The following LRP2 variants were observed in gnomAD, a reference collection of about 807,000 sequenced individuals.
The protein encoded by LRP2 is LDL receptor related protein 2, also known as low-density lipoprotein receptor-related protein 2.
Under a neutral mutation model 531.0 loss-of-function variants are expected in LRP2, and 172 were observed. The observed-to-expected ratio is 0.32, with a 90% CI of 0.29 to 0.37. The LOEUF (loss-of-function observed/expected upper bound fraction) is 0.37. Among genes scored for constraint, LRP2 ranks in the 10% least tolerant of loss-of-function variants. The pLI is 1.00. For synonymous variants in LRP2, 1,992 were observed against 2,027.6 expected (o/e 0.98, Z 0.47); for missense variants, 5,167 against 5,868.3 (o/e 0.88, Z 3.90).
chr2:169,352,245 C>T (rs1468316834), intron 1 of LRP2, among the ~76,000 whole-genome samples: 1 of 152,096 alleles, frequency 6.6e-6, no homozygotes, highest in Non-Finnish European at 1.5e-5. Flanking sequence ...AAGAACAAAA[C>T]ATACAATTAA....
At chr2:169,152,005 C>A (rs2105355401) in intron 67 of LRP2, among the ~76,000 whole-genome samples, 1 of 152,282 alleles carries the variant, frequency 6.6e-6, no homozygotes, top group East Asian at 1.9e-4. Flanking sequence ...GTCTCCTGAA[C>A]CTTCCCCCTC....
chr2:169,354,734 G>C lies in LRP2; in HGVS notation c.79+7587C>G, dbSNP rs186396299. On this transcript the variant is annotated intron_variant, in intron 1 of 78. Transcript: ENST00000649046. ...CCAACAAAGTAACCATCAGCAAAGA[G>C]TACATATATCTGGCATTTCTGAATT... Among the ~76,000 whole-genome samples, 3 of 152,326 alleles carry C rather than the reference G, an allele frequency of 2.0e-5. No homozygotes were observed. The East Asian group carries it at 5.8e-4, about 29-fold the overall frequency.
intron 1 of LRP2, among the ~76,000 whole-genome samples, chr2:169,334,685 C>G (rs551682277): frequency 6.6e-6 from 1 of 152,324 alleles, no homozygotes; most frequent in Admixed American, 6.5e-5. Flanking sequence ...AGGGCAGGAA[C>G]TGTTTGTGTC....
intron 47 of LRP2, among the ~76,000 whole-genome samples, chr2:169,193,237 G>A (rs1391919687): frequency 1.3e-5 from 2 of 151,814 alleles, no homozygotes; most frequent in Non-Finnish European, 2.9e-5. Flanking sequence ...GATTAGCCTA[G>A]CCAATATAGT....
At chr2:169,313,576 C>T (rs963598302) in intron 3 of LRP2, among the ~76,000 whole-genome samples, 5 of 152,152 alleles carry the variant, frequency 3.3e-5, no homozygotes, top group Non-Finnish European at 5.9e-5. Flanking sequence ...CTGGAAGCTT[C>T]GTCTCAGAGG....
At position 169,232,113 on chromosome 2, in the gene LRP2, C is replaced by T. The variant is rs3926693; in HGVS notation, c.5099-271G>A. Among the ~76,000 whole-genome samples the T allele has an allele frequency of 0.35, 53,658 of 151,656 alleles. 9,789 individuals carry two copies. Among genetic ancestry groups the T allele is most frequent in the South Asian group, 0.6 (2,888 of 4,804 alleles). Reference sequence around the variant, plus strand: ...ATCAATCCAGTCTATAACTGGATTACGAACAAACAGCCACTGAGTAATCTG... The same window carrying T: ...ATCAATCCAGTCTATAACTGGATTATGAACAAACAGCCACTGAGTAATCTG... On this transcript the variant is annotated intron_variant, in intron 30 of 78. Transcript: ENST00000649046.
At chr2:169,255,811 A>G (rs1380601594) in intron 19 of LRP2, among the ~76,000 whole-genome samples, 1 of 152,172 alleles carries the variant, frequency 6.6e-6, no homozygotes, top group Non-Finnish European at 1.5e-5. Context: ...TGATACTTGT[A>G]TAACTAAGTA....
rs750159019 is a variant in LRP2 at position 169,152,915 on chromosome 2, G to T, written c.12345C>A (p.Ile4115=). The T allele has an allele frequency of 6.2e-7, 1 of 1,613,938 alleles. No homozygotes were observed. The highest frequency in any genetic ancestry group is 8.5e-7 in the Non-Finnish European group (1 of 1,179,956). ...VRGEGSRFGA[I]KRAYIPNFES... Reference sequence around the variant, plus strand: ...CAAAGTTGGGGATGTAGGCACGTTTGATAGCACCAAACCTAGAGCCCTCCC... The same window carrying T: ...CAAAGTTGGGGATGTAGGCACGTTTTATAGCACCAAACCTAGAGCCCTCCC... Residue 4115 remains isoleucine, a synonymous_variant, in exon 67 of 79, where the codon ATC becomes ATA. Transcript: ENST00000649046.
chr2:169,241,257 C>A lies in LRP2; in HGVS notation c.3776G>T (p.Gly1259Val). Residue 1259 changes from glycine (G) to valine (V), a missense_variant, in exon 25 of 79, where the codon GGA becomes GTA. This residue lies in a region of LRP2 where 2,811 missense variants were observed against 3,058.0 expected (regional missense o/e 0.92). Coordinates refer to ENST00000649046, the MANE Select transcript of LRP2 (RefSeq NM_004525.3). The part of the protein sequence containing the change: ...ECDGHPDCLY[G>V]SDEHNACVPK... ...GACACAGGCATTGTGCTCATCAGAT[C>A]CATAGAGGCAGTCTGGATGCCCATC... 1 of 1,614,178 alleles carries A rather than the reference C, an allele frequency of 6.2e-7. No individual in the cohort carries two copies. Among genetic ancestry groups the A allele is most frequent in the Non-Finnish European group, 8.5e-7 (1 of 1,180,042 alleles).
intron 1 of LRP2, among the ~76,000 whole-genome samples, chr2:169,331,423 G>A (rs1685264626): frequency 6.6e-6 from 1 of 152,198 alleles, no homozygotes; most frequent in East Asian, 1.9e-4. Context: ...CACTGAAAGT[G>A]TATTTGTACC....
chr2:169,210,269 G>A (rs1049860510), intron 37 of LRP2, among the ~76,000 whole-genome samples: 2 of 152,002 alleles, frequency 1.3e-5, no homozygotes, highest in Non-Finnish European at 2.9e-5. Flanking sequence ...CATTCACAGG[G>A]CCTAAGTGTG....
intron 43 of LRP2, 73 bp downstream of exon 43, chr2:169,202,683 C>T: frequency 1.4e-6 from 2 of 1,460,218 alleles, no homozygotes; most frequent in East Asian, 2.3e-5. Flanking sequence ...TCACACATAG[C>T]AGGATTCCAT....
At chr2:169,262,047 C>A (rs1421938313) in intron 16 of LRP2, among the ~76,000 whole-genome samples, 1 of 151,980 alleles carries the variant, frequency 6.6e-6, no homozygotes, top group Non-Finnish European at 1.5e-5. Context: ...GTCAACAACC[C>A]TTCATGCTAA....
chr2:169,224,282 G>A (rs184751155), intron 33 of LRP2, among the ~76,000 whole-genome samples: 108 of 152,284 alleles, frequency 7.1e-4, no homozygotes, highest in Admixed American at 2.4e-3. Context: ...ACTTCTCCTT[G>A]TTTTGGGAAG....
rs759481774 is a variant in LRP2 at position 169,203,996 on chromosome 2, T to C, written c.7991A>G (p.His2664Arg). Residue 2664 changes from histidine to arginine, a missense_variant, in exon 42 of 79, where the codon CAT (histidine) becomes CGT (arginine). His to Arg is a conservative substitution (Grantham distance 29, BLOSUM62 0). Coordinates refer to ENST00000649046, the MANE Select transcript of LRP2 (RefSeq NM_004525.3). ...CAGTGCCTTACCTGGTGCACAGATA[T>C]GGCTGCAGCCCCCATTAAACTGTTC... ...PCEQFNGGCS[H>R]ICAPGPNGAE... is the part of the protein sequence containing the mutation. 2 of 1,614,194 alleles carry C rather than the reference T, an allele frequency of 1.2e-6. No individual in the cohort carries two copies. The highest frequency in any genetic ancestry group is 1.7e-6 in the Non-Finnish European group (2 of 1,179,998).
intron 21 of LRP2, 32 bp downstream of exon 21, chr2:169,246,673 C>T (rs1690017265): frequency 1.2e-6 from 2 of 1,613,010 alleles, no homozygotes; most frequent in Non-Finnish European, 1.7e-6. Context: ...TCTATTCATC[C>T]CAGGAAATAT....
intron 1 of LRP2, among the ~76,000 whole-genome samples, chr2:169,357,268 T>A (rs1574286766): frequency 1.1e-5 from 1 of 88,084 alleles, no homozygotes; most frequent in Non-Finnish European, 2.1e-5. Context: ...TTTCTTTTCT[T>A]TTTTTTTTCT....
At chr2:169,209,960 G>C (rs73035718) in intron 37 of LRP2, among the ~76,000 whole-genome samples, 1,943 of 152,108 alleles carry the variant, frequency 0.013, 43 homozygotes, top group African/African-American at 0.044. Flanking sequence ...ACTTGAAGAG[G>C]TTCTCCCTGG....
At chr2:169,178,107 A>G (rs1687277229) in intron 52 of LRP2, 81 bp from the exon 53 acceptor site, 1 of 1,032,342 alleles carries the variant, frequency 9.7e-7, no homozygotes, top group Non-Finnish European at 1.5e-6. Flanking sequence ...GAATTCACAA[A>G]TCAATAAAAT....
Sources: allele counts gnomAD v4.1 joint callset (sites outside exome capture counted in the v4.1 genomes callset), GRCh38; gene constraint gnomAD v4.1.1; regional missense constraint gnomAD v4.1.1; transcripts MANE v1.5; gene names NCBI Gene and HGNC (gene_info 2026-07-23, HGNC 2026-07-21).